GMEB2: variants seen among roughly 807,000 people sequenced by gnomAD.
GMEB2 encodes the protein glucocorticoid modulatory element-binding protein 2.
A neutral mutation model predicts 45.7 loss-of-function variants in GMEB2; 7 were observed. The observed-to-expected ratio is 0.15, with a 90% CI of 0.09 to 0.29. The LOEUF (loss-of-function observed/expected upper bound fraction) is 0.29, where lower values mean the gene tolerates loss of function less well. GMEB2 is among the 10% of genes least tolerant of loss of function. The pLI is 1.00. For missense variants in GMEB2, 582 were observed against 739.2 expected (o/e 0.79, Z 2.47); for synonymous variants, 322 against 323.6 (o/e 1.00, Z 0.05).
intron 2 of GMEB2, among the ~76,000 whole-genome samples, chr20:63,617,710 G>A (rs567501500): frequency 4.6e-5 from 7 of 152,052 alleles, no homozygotes; most frequent in East Asian, 1.9e-4. Flanking sequence ...CGGCAGCCGC[G>A]GCCACGGTGT....
In GMEB2 at chr20:63,593,024, G is replaced by A. The variant is rs746499269; in HGVS notation, c.678C>T (p.Thr226=). 61 of 1,609,452 alleles carry A rather than the reference G, an allele frequency of 3.8e-5. No individual in the cohort carries two copies. Among genetic ancestry groups the A allele is most frequent in the African/African-American group, 6.7e-5 (5 of 74,858 alleles). The part of the protein sequence containing the change: ...IETCEDPGDW[T]AAIGDDTFTF... Reference sequence around the variant, plus strand: ...GGAACCTCGTACCTCCAATGGCCGCGGTCCAGTCGCCAGGGTCTTCACAGG... The same window carrying A: ...GGAACCTCGTACCTCCAATGGCCGCAGTCCAGTCGCCAGGGTCTTCACAGG... The change falls in exon 7 of 10, where the codon ACC becomes ACT. Residue 226 remains threonine (T), a synonymous_variant. Coordinates refer to ENST00000370077, the MANE Select transcript of GMEB2 (RefSeq NM_012384.5). This position sits in a 1 kb window ranked among gnomAD's most constrained non-coding sequence, Gnocchi z 4.7.
Position 63,593,156 on chromosome 20 carries a change from T to A in GMEB2, c.620-74A>T. 3.6e-6 allele frequency: 3 copies of A among 838,494 alleles called. No individual in the cohort carries two copies. The highest frequency in any genetic ancestry group is 2.2e-4 in the Middle Eastern group (1 of 4,566). The allele number at this position is 838,494 out of a possible 1,614,324, so 51.9% of individuals were successfully genotyped here. A position where few individuals can be genotyped will look rare whatever the true frequency, so the allele number is the denominator to read the frequency against. On this transcript the variant is annotated intron_variant, in intron 6 of 9. Coordinates refer to ENST00000370077, the MANE Select transcript of GMEB2 (RefSeq NM_012384.5). The surrounding 1 kb of genome is among the most constrained non-coding windows in gnomAD (Gnocchi z 4.7). ...CACACCCCACATACCCTGTCCACCC[T>A]CCTCACACCACCTTCTGAACCTTTC... is the stretch of plus-strand genomic sequence containing the variant.
At position 63,589,715 on chromosome 20, in the gene GMEB2, G is replaced by A. The variant is rs1399123451; in HGVS notation, c.*374C>T. On this transcript the variant is annotated 3_prime_UTR_variant, in exon 10 of 10. Transcript: ENST00000370077. The stretch of plus-strand genomic sequence containing the variant: ...ACCTGCTGCACCGCGTCCAGCACCT[G>A]CAGGGTCGCGCTCGGCACCTGGCTC... 9.9e-6 allele frequency: 2 copies of A among 201,880 alleles called. No individual in the cohort carries two copies. The highest frequency in any genetic ancestry group is 9.9e-6 in the Non-Finnish European group (1 of 101,440). The allele number at this position is 201,880 out of a possible 1,614,324, so 12.5% of individuals were successfully genotyped here.
In GMEB2 at chr20:63,590,128, A is replaced by C; in HGVS notation, c.1554T>G (p.Ile518Met). 6.5e-7 allele frequency: 1 copy of C among 1,534,596 alleles called. No homozygotes were observed. Among genetic ancestry groups the C allele is most frequent in the Admixed American group, 2.0e-5 (1 of 50,534 alleles). ...GGTCCTCTGCCATGGCAGCCACCTC[A>C]ATGGTGGCCGTGTGCTCCTCAGGCC... ...APGPEEHTAT[I>M]EVAAMAEDHE... is the part of the protein sequence containing the mutation. Residue 518 changes from isoleucine (I) to methionine (M), a missense_variant, in exon 10 of 10, where the codon ATT becomes ATG. Ile to Met is a conservative substitution (Grantham distance 10). Coordinates refer to ENST00000370077, the MANE Select transcript of GMEB2 (RefSeq NM_012384.5).
At chr20:63,621,432 T>C (rs1303268706) in intron 1 of GMEB2, among the ~76,000 whole-genome samples, 1 of 152,104 alleles carries the variant, frequency 6.6e-6, no homozygotes, top group Non-Finnish European at 1.5e-5. Context: ...TCCCAGCACT[T>C]TGGGAGGCGG....
chr20:63,626,788 G>A (rs1180001005), intron 1 of GMEB2, among the ~76,000 whole-genome samples, 168 bp downstream of exon 1: 10 of 145,628 alleles, frequency 6.9e-5, no homozygotes, highest in Non-Finnish European at 1.4e-4. Flanking sequence ...GCCTGACGCC[G>A]CCGTTGCGCC....
chr20:63,607,039 C>T (rs1267141406), intron 2 of GMEB2, among the ~76,000 whole-genome samples: 1 of 151,500 alleles, frequency 6.6e-6, no homozygotes, highest in Non-Finnish European at 1.5e-5. Context: ...TCTGACCCAC[C>T]TCCATTTCTA....
At chr20:63,598,343 G>GACACACACACACACACACAC (rs67747559) in intron 4 of GMEB2, among the ~76,000 whole-genome samples, 7 of 146,052 alleles carry the variant, frequency 4.8e-5, no homozygotes, top group Admixed American at 2.8e-4. Context: ...CTCTCACTCT[G>GACACACACACACACACACAC]ACACACACAC....
Position 63,592,186 on chromosome 20 carries a change from T to A in GMEB2, c.830-42A>T. 8 of 1,591,728 alleles carry A rather than the reference T, an allele frequency of 5.0e-6. No homozygotes were observed. Among genetic ancestry groups the A allele is most frequent in the Non-Finnish European group, 6.9e-6 (8 of 1,167,596 alleles). ...GACACTCAGTGAGAGCCCAAGCCCT[T>A]CCTAGAGAGCCACGCGGACGCTCGG... On this transcript the variant is annotated intron_variant, in intron 8 of 9. Transcript: ENST00000370077. This position sits in a 1 kb window ranked among gnomAD's most constrained non-coding sequence, Gnocchi z 8.2.
intron 6 of GMEB2, among the ~76,000 whole-genome samples, chr20:63,594,521 G>A (rs987739973): frequency 6.6e-6 from 1 of 152,160 alleles, no homozygotes; most frequent in African/African-American, 2.4e-5. Context: ...GAAGGGTGAG[G>A]CCTCCCTAGT....
At chr20:63,601,892 G>A (rs1187341132) in intron 4 of GMEB2, among the ~76,000 whole-genome samples, 1 of 147,208 alleles carries the variant, frequency 6.8e-6, no homozygotes, top group Non-Finnish European at 1.5e-5. Context: ...TGTGGCTTCC[G>A]TGGGGCCTGT....
At chr20:63,606,562 T>C (rs1318074449) in intron 2 of GMEB2, among the ~76,000 whole-genome samples, 3 of 152,172 alleles carry the variant, frequency 2.0e-5, no homozygotes, top group Non-Finnish European at 4.4e-5. Context: ...TTAACCAGGA[T>C]GGTCTCGATC....
Position 63,592,765 on chromosome 20 carries a change from A to G in GMEB2, c.692-95T>C. 2 of 1,052,352 alleles carry G rather than the reference A, an allele frequency of 1.9e-6. No individual in the cohort carries two copies. Among genetic ancestry groups the G allele is most frequent in the Non-Finnish European group, 2.9e-6 (2 of 680,856 alleles). 65.2% of individuals were successfully genotyped at this position (1,052,352 alleles called of 1,614,324 possible). A position where few individuals can be genotyped will look rare whatever the true frequency, so the allele number is the denominator to read the frequency against. On this transcript the variant is annotated intron_variant, in intron 7 of 9. Transcript: ENST00000370077. The surrounding 1 kb of genome is among the most constrained non-coding windows in gnomAD (Gnocchi z 8.2). Reference sequence around the variant, plus strand: ...AGGACATCACCATAGCCACGAGGACACCATGCCAGAGCCGGCAGCGCCTGG... The same window carrying G: ...AGGACATCACCATAGCCACGAGGACGCCATGCCAGAGCCGGCAGCGCCTGG...
At position 63,592,392 on chromosome 20, in the gene GMEB2, G is replaced by T; in HGVS notation, c.829+141C>A. 1 of 675,076 alleles carries T rather than the reference G, an allele frequency of 1.5e-6. No homozygotes were observed. The highest frequency in any genetic ancestry group is 2.5e-6 in the Non-Finnish European group (1 of 400,840). The allele number at this position is 675,076 out of a possible 1,614,324, so 41.8% of individuals were successfully genotyped here. A position where few individuals can be genotyped will look rare whatever the true frequency, so the allele number is the denominator to read the frequency against. ...GATCCTCCCACCAAGTTCAGCCTCA[G>T]CACAGCAGGAGTCCCAAGCCTAGAT... On this transcript the variant is annotated intron_variant, in intron 8 of 9. Coordinates refer to ENST00000370077, the MANE Select transcript of GMEB2 (RefSeq NM_012384.5). This position sits in a 1 kb window ranked among gnomAD's most constrained non-coding sequence, Gnocchi z 8.2.
At chr20:63,615,374 C>A (rs6062977) in intron 2 of GMEB2, among the ~76,000 whole-genome samples, 1 of 151,876 alleles carries the variant, frequency 6.6e-6, no homozygotes, top group Non-Finnish European at 1.5e-5. Flanking sequence ...ACCCAGGCTG[C>A]AGTGCAGTGG....
At chr20:63,614,641 G>A (rs1569057654) in intron 2 of GMEB2, among the ~76,000 whole-genome samples, 1 of 152,188 alleles carries the variant, frequency 6.6e-6, no homozygotes, top group Non-Finnish European at 1.5e-5. Flanking sequence ...CTGTGATGCT[G>A]TGCTTCAGTG....
intron 5 of GMEB2, 38 bp downstream of exon 5, chr20:63,597,719 C>T (rs2297429): frequency 0.073 from 81,491 of 1,111,564 alleles, 8,765 homozygotes; most frequent in East Asian, 0.3. Flanking sequence ...TGCCAGGGCC[C>T]CTTCCAGCAG....
chr20:63,604,785 C>A lies in GMEB2; in HGVS notation c.187G>T (p.Ala63Ser), dbSNP rs777285269. The change falls in exon 3 of 10, where the codon GCG (alanine) becomes TCG (serine). Residue 63 changes from alanine (A) to serine (S), a missense_variant. By Grantham distance (99) the Ala-to-Ser change is moderately conservative. Around this residue, in one of 3 missense-constraint regions of GMEB2, gnomAD observed 114 missense variants for 123.4 expected, o/e 0.92. Coordinates refer to ENST00000370077, the MANE Select transcript of GMEB2 (RefSeq NM_012384.5). ...AGCTGGGAGGAGGCTGTGAAGGCCG[C>A]GGCAGCTGCTGCCGCTGCATTTTCT... Reference protein sequence around the residue: ...ETENAAAAAAAAFTASSQLKE... With the variant: ...ETENAAAAAASAFTASSQLKE... The A allele has an allele frequency of 6.2e-7, 1 of 1,612,100 alleles. No homozygotes were observed. The highest frequency in any genetic ancestry group is 1.3e-5 in the African/African-American group (1 of 74,900).
At chr20:63,604,053 CAA>C (rs34930799) in intron 3 of GMEB2, among the ~76,000 whole-genome samples, 17 of 69,620 alleles carry the variant, frequency 2.4e-4, no homozygotes, top group South Asian at 3.9e-4. Flanking sequence ...GACTCCGTCT[CAA>C]AAAAAAAAAA....
Sources: gnomAD v4.1 joint callset for allele counts (sites outside exome capture counted in the v4.1 genomes callset) on GRCh38, gnomAD v4.1.1 for gene constraint, gnomAD v4.1.1 regional missense constraint, Gnocchi (gnomAD v3.1) non-coding constraint, MANE v1.5 for transcripts, NCBI Gene and HGNC (gene_info 2026-07-23, HGNC 2026-07-21) for gene names.